Variants in GTF3C1 observed in about 807,000 individuals in gnomAD.
The protein encoded by GTF3C1 is general transcription factor 3C polypeptide 1.
A neutral mutation model predicts 226.7 loss-of-function variants in GTF3C1; 57 were observed. The ratio of observed to expected loss-of-function variants is 0.25; its 90% CI spans 0.20 to 0.31. The LOEUF (loss-of-function observed/expected upper bound fraction) is 0.31. GTF3C1 is among the 10% of genes least tolerant of loss of function. GTF3C1 has a pLI of 1.00. For missense variants in GTF3C1, 2,217 were observed against 2,776.1 expected, an observed-to-expected ratio of 0.80 and a Z score of 4.53; for synonymous variants, 1,090 against 1,084.8, an observed-to-expected ratio of 1.00 and a Z score of -0.09.
Position 27,545,302 on chromosome 16 carries a change from C to T in GTF3C1, c.431+12G>A. The T allele has an allele frequency of 6.3e-7, 1 of 1,594,268 alleles. No individual in the cohort carries two copies. The highest frequency in any genetic ancestry group is 8.6e-7 in the Non-Finnish European group (1 of 1,161,918). On this transcript the variant is annotated intron_variant, in intron 2 of 36. Coordinates refer to ENST00000356183, the MANE Select transcript of GTF3C1 (RefSeq NM_001520.4). Reference sequence around the variant, plus strand: ...AGATTCCCAGGAATTTCTGATGGTGCAAAATAGTTACCTGTCAAAGGCTTC... The same window carrying T: ...AGATTCCCAGGAATTTCTGATGGTGTAAAATAGTTACCTGTCAAAGGCTTC...
At chr16:27,528,913 C>T (rs1464370657) in intron 5 of GTF3C1, among the ~76,000 whole-genome samples, 192 bp from the exon 6 acceptor site, 3 of 152,150 alleles carry the variant, frequency 2.0e-5, no homozygotes, top group South Asian at 2.1e-4. Context: ...AACGATTCTA[C>T]CTTTTGATTA....
chr16:27,546,537 C>T (rs2089167028), intron 1 of GTF3C1, among the ~76,000 whole-genome samples: 1 of 147,614 alleles, frequency 6.8e-6, no homozygotes, highest in Admixed American at 6.8e-5. Flanking sequence ...TTTTTCCCCT[C>T]ACTATGTTGC....
intron 12 of GTF3C1, 124 bp from the exon 13 acceptor site, chr16:27,498,857 T>TA: frequency 3.0e-6 from 2 of 666,524 alleles, no homozygotes. Flanking sequence ...AAAACACGAT[T>TA]AGGAGATCGA....
rs1298137974 is a variant in GTF3C1 at position 27,464,803 on chromosome 16, C to T, written c.5389G>A (p.Gly1797Ser). 1 of 1,525,586 alleles carries T rather than the reference C, an allele frequency of 6.6e-7. No homozygotes were observed. Among genetic ancestry groups the T allele is most frequent in the East Asian group, 2.3e-5 (1 of 44,066 alleles). 94.5% of individuals were successfully genotyped at this position (1,525,586 alleles called of 1,614,324 possible). A position where few individuals can be genotyped will look rare whatever the true frequency, so the allele number is the denominator to read the frequency against. The change falls in exon 34 of 37, where the codon GGT becomes AGT. Residue 1797 changes from glycine (G) to serine (S), a missense_variant. By Grantham distance (56) the Gly-to-Ser change is moderately conservative. Coordinates refer to ENST00000356183, the MANE Select transcript of GTF3C1 (RefSeq NM_001520.4). ...GCTACCAGGCGCGCAGTGTTGCCAC[C>T]GACCTCCAGCACCTGATGCTGCTCC... Reference protein sequence around the residue: ...LLEQHQVLEVGGNTARLVAMG... With the variant: ...LLEQHQVLEVSGNTARLVAMG...
chr16:27,471,363 G>A lies in GTF3C1; in HGVS notation c.4526+385C>T, dbSNP rs2087866246. On this transcript the variant is annotated intron_variant, in intron 30 of 36. Transcript: ENST00000356183. This position sits in a 1 kb window ranked among gnomAD's most constrained non-coding sequence, Gnocchi z 5.0. The stretch of plus-strand genomic sequence containing the variant: ...CCCCAATCCTGCACTGGCTGTTGGT[G>A]CTGCGAATGGGCCCAGGAGGCTTCC... Among the ~76,000 whole-genome samples, 1 of 152,244 alleles carries A rather than the reference G, an allele frequency of 6.6e-6. No individual in the cohort carries two copies. The highest frequency in any genetic ancestry group is 6.5e-5 in the Admixed American group (1 of 15,282).
At chr16:27,487,295 T>G (rs937715805) in intron 23 of GTF3C1, among the ~76,000 whole-genome samples, 2 of 152,264 alleles carry the variant, frequency 1.3e-5, no homozygotes, top group South Asian at 4.1e-4. Context: ...AACAGGTTCC[T>G]GTTTAAACAT....
intron 1 of GTF3C1, among the ~76,000 whole-genome samples, chr16:27,547,782 G>A (rs1193864603): frequency 3.9e-5 from 6 of 151,988 alleles, no homozygotes; most frequent in Non-Finnish European, 7.4e-5. Flanking sequence ...CTACCACCAC[G>A]CCCAGCTAAT....
chr16:27,488,937 C>T, intron 21 of GTF3C1, 106 bp downstream of exon 21: 1 of 1,067,208 alleles, frequency 9.4e-7, no homozygotes, highest in Non-Finnish European at 1.4e-6. Context: ...GACGCACCTT[C>T]AATACAAACG....
At chr16:27,548,434 T>C (rs1380709638) in intron 1 of GTF3C1, among the ~76,000 whole-genome samples, 3 of 152,154 alleles carry the variant, frequency 2.0e-5, no homozygotes, top group African/African-American at 7.2e-5. Context: ...GCCAGGCTAA[T>C]TTTTGTATTT....
At chr16:27,511,370 T>C (rs2088568430) in intron 7 of GTF3C1, among the ~76,000 whole-genome samples, 1 of 152,260 alleles carries the variant, frequency 6.6e-6, no homozygotes, top group African/African-American at 2.4e-5. Flanking sequence ...GACGCTTCCC[T>C]GGGCCTCCAG....
intron 4 of GTF3C1, among the ~76,000 whole-genome samples, chr16:27,536,666 C>A (rs2089006266): frequency 6.6e-6 from 1 of 152,206 alleles, no homozygotes; most frequent in Admixed American, 6.5e-5. Context: ...TCTATGTAAT[C>A]ATTCCCCCCA....
At chr16:27,480,967 T>G in intron 27 of GTF3C1, 112 bp downstream of exon 27, 1 of 816,026 alleles carries the variant, frequency 1.2e-6, no homozygotes, top group Non-Finnish European at 2.1e-6. Flanking sequence ...CAAGGCCAAA[T>G]GCAGCCAGGC....
In GTF3C1 at chr16:27,525,465, T is replaced by C. The variant is rs548847058; in HGVS notation, c.973+3133A>G. Among the ~76,000 whole-genome samples the C allele has an allele frequency of 5.3e-5, 8 of 152,354 alleles. No homozygotes were observed. The South Asian group carries it at 1.7e-3, about 32-fold the overall frequency. On this transcript the variant is annotated intron_variant, in intron 6 of 36. Coordinates refer to ENST00000356183, the MANE Select transcript of GTF3C1 (RefSeq NM_001520.4). ...GGAAGGTTTCCTAACCTCCCAGCTGTTCCTTCTTTGTTTATATACCTGTGG... is the reference window on the plus strand; with the variant it reads ...GGAAGGTTTCCTAACCTCCCAGCTGCTCCTTCTTTGTTTATATACCTGTGG...
Position 27,465,479 on chromosome 16 carries a change from C to T in GTF3C1, c.5136G>A (p.Leu1712=). 1 of 1,608,844 alleles carries T rather than the reference C, an allele frequency of 6.2e-7. No individual in the cohort carries two copies. Residue 1712 remains leucine, a synonymous_variant, in exon 33 of 37, where the codon CTG becomes CTA. Coordinates refer to ENST00000356183, the MANE Select transcript of GTF3C1 (RefSeq NM_001520.4). ...TSCLPDTFTK[L]INPQENTCSL... is the part of the protein sequence containing the mutation. ...TGCAGGTGTTTTCCTGGGGGTTTAT[C>T]AGCTTGGTGAACGTATCAGGGAGGC...
intron 32 of GTF3C1, chr16:27,465,911 G>A: frequency 3.7e-6 from 1 of 272,084 alleles, no homozygotes. Flanking sequence ...ATCCCTTCCT[G>A]CTGCTCATGT....
At chr16:27,483,225 ACCTT>A in intron 25 of GTF3C1, 100 bp from the exon 26 acceptor site, 1 of 1,121,640 alleles carries the variant, frequency 8.9e-7, no homozygotes. Context: ...GCCTTGGCCG[ACCTT>A]GAAGCATGAG....
In GTF3C1 at chr16:27,463,277, C is replaced by T. The variant is rs976264457; in HGVS notation, c.5924+264G>A. 2.6e-5 allele frequency: 13 copies of T among 509,276 alleles called. No individual in the cohort carries two copies. The highest frequency in any genetic ancestry group is 3.9e-5 in the African/African-American group (2 of 50,688). 31.5% of individuals were successfully genotyped at this position (509,276 alleles called of 1,614,324 possible). ...AGCCAGTGAAGCACAGCTGACAGCA[C>T]CAGGCATGGTTCTCCACCAGCGCCC... is the stretch of plus-strand genomic sequence containing the variant. On this transcript the variant is annotated intron_variant, in intron 35 of 36. Coordinates refer to ENST00000356183, the MANE Select transcript of GTF3C1 (RefSeq NM_001520.4). This position sits in a 1 kb window ranked among gnomAD's most constrained non-coding sequence, Gnocchi z 4.9.
intron 6 of GTF3C1, among the ~76,000 whole-genome samples, chr16:27,514,437 C>T (rs148041076): frequency 6.6e-6 from 1 of 152,100 alleles, no homozygotes; most frequent in African/African-American, 2.4e-5. Context: ...GGCACTGGGA[C>T]AGGGTCACAG....
chr16:27,470,917 C>T lies in GTF3C1; in HGVS notation c.4527-522G>A, dbSNP rs945934977. 1.3e-5 allele frequency among the ~76,000 whole-genome samples: 2 copies of T among 152,202 alleles called. No homozygotes were observed. Among genetic ancestry groups the T allele is most frequent in the Non-Finnish European group, 2.9e-5 (2 of 68,026 alleles). On this transcript the variant is annotated intron_variant, in intron 30 of 36. Transcript: ENST00000356183. The surrounding 1 kb of genome is among the most constrained non-coding windows in gnomAD (Gnocchi z 4.9). ...CTTCCTTGTCTGTGACCACTGCCCT[C>T]GGTTCAGATGGGGACATGCGGTCAG... is the stretch of plus-strand genomic sequence containing the variant.
Sources: gnomAD v4.1 joint callset for allele counts (sites outside exome capture counted in the v4.1 genomes callset) on GRCh38, gnomAD v4.1.1 for gene constraint, Gnocchi (gnomAD v3.1) non-coding constraint, MANE v1.5 for transcripts, NCBI Gene and HGNC (gene_info 2026-07-23, HGNC 2026-07-21) for gene names.